The following PIKFYVE variants were observed in gnomAD, a reference collection of about 807,000 sequenced individuals.
PIKFYVE encodes 1-phosphatidylinositol 3-phosphate 5-kinase.
In PIKFYVE, 122 loss-of-function variants were observed where a neutral mutation model predicts 257.9. That is an observed-to-expected ratio of 0.47 (90% CI 0.41 to 0.55). The LOEUF (loss-of-function observed/expected upper bound fraction) is 0.55, where lower values mean the gene tolerates loss of function less well. Among genes scored for constraint, PIKFYVE ranks in the 20% least tolerant of loss-of-function variants. PIKFYVE has a pLI of 0.00. For synonymous variants in PIKFYVE, 892 were observed against 868.9 expected, an observed-to-expected ratio of 1.03 and a Z score of -0.47; for missense variants, 2,160 against 2,536.6, an observed-to-expected ratio of 0.85 and a Z score of 3.19.
chr2:208,292,049 A>T (rs1692380447), intron 7 of PIKFYVE, among the ~76,000 whole-genome samples: 1 of 151,118 alleles, frequency 6.6e-6, no homozygotes. Flanking sequence ...TTCTTCTTTG[A>T]CTCATGTATT....
At chr2:208,311,589 A>G (rs1694939964) in intron 12 of PIKFYVE, among the ~76,000 whole-genome samples, 3 of 152,204 alleles carry the variant, frequency 2.0e-5, no homozygotes, top group Admixed American at 1.3e-4. Flanking sequence ...CACTTGTAAG[A>G]AAAGTATTTA....
chr2:208,340,205 A>T, intron 31 of PIKFYVE, 74 bp downstream of exon 31: 1 of 1,540,098 alleles, frequency 6.5e-7, no homozygotes, highest in Non-Finnish European at 8.9e-7. Flanking sequence ...ATATTTAAAT[A>T]TATTTATCTG....
chr2:208,313,918 G>T (rs928418654), intron 13 of PIKFYVE, among the ~76,000 whole-genome samples: 1 of 152,054 alleles, frequency 6.6e-6, no homozygotes, highest in Admixed American at 6.6e-5. Context: ...TAACACCCTC[G>T]TTTTTAAAAA....
intron 12 of PIKFYVE, chr2:208,305,217 T>C: frequency 6.8e-7 from 1 of 1,464,272 alleles, no homozygotes; most frequent in Non-Finnish European, 9.1e-7. Context: ...GTTTTCTCCC[T>C]CAGCACCACC....
At chr2:208,321,769 G>T (rs1233603623) in intron 17 of PIKFYVE, among the ~76,000 whole-genome samples, 1 of 151,866 alleles carries the variant, frequency 6.6e-6, no homozygotes, top group Non-Finnish European at 1.5e-5. Flanking sequence ...TAGTAGAGAC[G>T]GGGTTTCATC....
intron 9 of PIKFYVE, 70 bp from the exon 10 acceptor site, chr2:208,302,172 G>C: frequency 7.7e-7 from 1 of 1,295,972 alleles, no homozygotes; most frequent in Admixed American, 1.7e-5. Flanking sequence ...TTTTAAGGTT[G>C]TGTCTTATCT....
Position 208,326,065 on chromosome 2 carries a change from T to A in PIKFYVE, c.3254T>A (p.Val1085Asp), listed in dbSNP as rs1157148961. ...CSTRDYFAEQ[V>D]YWSPLLNKEF... Reference sequence around the variant, plus strand: ...ACCCGAGATTATTTTGCAGAGCAGGTTTACTGGTCTCCTCTCCTCAATAAA... The same window carrying A: ...ACCCGAGATTATTTTGCAGAGCAGGATTACTGGTCTCCTCTCCTCAATAAA... The change falls in exon 20 of 42, where the codon GTT becomes GAT. Residue 1085 changes from valine to aspartate, a missense_variant. Physicochemically the swap from Val to Asp is radical, Grantham distance 152. Coordinates refer to ENST00000264380, the MANE Select transcript of PIKFYVE (RefSeq NM_015040.4). 5 of 1,613,946 alleles carry A rather than the reference T, an allele frequency of 3.1e-6. No homozygotes were observed. In the African/African-American group the frequency reaches 6.7e-5, roughly 22 times the overall value.
chr2:208,300,311 G>A (rs777988658), intron 8 of PIKFYVE, among the ~76,000 whole-genome samples: 2 of 152,160 alleles, frequency 1.3e-5, no homozygotes, highest in African/African-American at 2.4e-5. Flanking sequence ...AGATACAGAG[G>A]TAAGAATAAG....
chr2:208,326,248 A>G lies in PIKFYVE; in HGVS notation c.3437A>G (p.Gln1146Arg), dbSNP rs765025146. Residue 1146 changes from glutamine to arginine, a missense_variant, in exon 20 of 42, where the codon CAG (glutamine) becomes CGG (arginine). Physicochemically the swap from Gln to Arg is conservative, Grantham distance 43. Transcript: ENST00000264380. ...TRIAEHLGDSQSLGRMLADYR... is the reference protein window; with the variant it reads ...TRIAEHLGDSRSLGRMLADYR... ...ATTGCTGAGCATCTGGGCGATAGCC[A>G]GAGCTTGGGTAGAATGCTGGCCGAT... The G allele has an allele frequency of 3.5e-5, 56 of 1,591,402 alleles. No individual in the cohort carries two copies. In the South Asian group the frequency reaches 4.9e-4, roughly 14 times the overall value.
At chr2:208,320,649 A>G (rs1411448296) in intron 17 of PIKFYVE, among the ~76,000 whole-genome samples, 1 of 152,218 alleles carries the variant, frequency 6.6e-6, no homozygotes, top group Admixed American at 6.5e-5. Flanking sequence ...CCAGATTTCT[A>G]ATGGAATCTC....
chr2:208,335,258 T>C lies in PIKFYVE; in HGVS notation c.4143-48T>C, dbSNP rs370937969. The C allele has an allele frequency of 1.3e-5, 16 of 1,216,348 alleles. No individual in the cohort carries two copies. In the Middle Eastern group the frequency reaches 7.5e-4, roughly 57 times the overall value. 75.3% of individuals were successfully genotyped at this position (1,216,348 alleles called of 1,614,324 possible). ...CATCATGATACAGCTCTATTCAAGA[T>C]ATTAAGCTATTTTTCATTTTCTATT... On this transcript the variant is annotated intron_variant, in intron 24 of 41. Transcript: ENST00000264380.
intron 8 of PIKFYVE, among the ~76,000 whole-genome samples, chr2:208,299,566 G>A (rs544384336): frequency 9.9e-4 from 151 of 152,290 alleles, no homozygotes; most frequent in Non-Finnish European, 1.9e-3. Flanking sequence ...GGGATTACAG[G>A]CGTGAGCCAC....
intron 25 of PIKFYVE, 121 bp downstream of exon 25, chr2:208,335,540 G>T (rs1362487341): frequency 1.1e-6 from 1 of 889,768 alleles, no homozygotes; most frequent in Admixed American, 2.5e-5. Context: ...ATGCATGCTT[G>T]GTGTACAAAA....
At position 208,296,637 on chromosome 2, in the gene PIKFYVE, GA is replaced by G. The variant is rs140253736; in HGVS notation, c.912-2000del. On this transcript the variant is annotated intron_variant, in intron 7 of 41. Coordinates refer to ENST00000264380, the MANE Select transcript of PIKFYVE (RefSeq NM_015040.4). The stretch of plus-strand genomic sequence containing the variant: ...TGGAGATCATCAAGAGAATGAGTGT[GA>G]AAAGGGAGGAAATAAGGACTAAGGA... Among the ~76,000 whole-genome samples, 1,231 of 152,234 alleles carry G rather than the reference GA, an allele frequency of 8.1e-3. 15 individuals are homozygous for G. The highest frequency in any genetic ancestry group is 0.028 in the African/African-American group (1,166 of 41,524).
chr2:208,312,866 C>G (rs185989545), intron 13 of PIKFYVE, among the ~76,000 whole-genome samples: 75 of 152,270 alleles, frequency 4.9e-4, no homozygotes, highest in African/African-American at 1.6e-3. Flanking sequence ...GGTTAGGCCT[C>G]AGATAATGGG....
At chr2:208,267,751 C>T (rs144973049) in intron 1 of PIKFYVE, among the ~76,000 whole-genome samples, 4 of 152,256 alleles carry the variant, frequency 2.6e-5, no homozygotes, top group African/African-American at 9.6e-5. Flanking sequence ...AGGCGATTCA[C>T]CCGCCTCGGC....
chr2:208,275,947 C>T (rs1474170503), intron 3 of PIKFYVE, among the ~76,000 whole-genome samples: 2 of 152,176 alleles, frequency 1.3e-5, no homozygotes, highest in East Asian at 1.9e-4. Flanking sequence ...CTTTGGTGGG[C>T]ATACCCTATT....
chr2:208,320,845 A>G (rs532359082), intron 17 of PIKFYVE, among the ~76,000 whole-genome samples: 1 of 152,352 alleles, frequency 6.6e-6, no homozygotes, highest in East Asian at 1.9e-4. Flanking sequence ...AAACAGTCTC[A>G]GCTCAGCTGC....
intron 7 of PIKFYVE, 53 bp from the exon 8 acceptor site, chr2:208,298,588 T>C: frequency 6.3e-7 from 1 of 1,597,238 alleles, no homozygotes; most frequent in South Asian, 1.1e-5. Flanking sequence ...TGTAATTCTG[T>C]TTATTGAAGA....
Sources: gnomAD v4.1 joint callset for allele counts (sites outside exome capture counted in the v4.1 genomes callset) on GRCh38, gnomAD v4.1.1 for gene constraint, MANE v1.5 for transcripts, NCBI Gene and HGNC (gene_info 2026-07-23, HGNC 2026-07-21) for gene names.